IL1RAPL2: variants seen among roughly 807,000 people sequenced by gnomAD.
The protein encoded by IL1RAPL2 is X-linked interleukin-1 receptor accessory protein-like 2.
In IL1RAPL2, 3 loss-of-function variants were observed where a neutral mutation model predicts 44.1. The observed-to-expected ratio is 0.07, with a 90% CI of 0.03 to 0.18. The LOEUF (loss-of-function observed/expected upper bound fraction) is 0.18. IL1RAPL2 is among the 10% of genes least tolerant of loss of function. The probability of loss-of-function intolerance (pLI) is 1.00; values close to 1 mark genes in which losing one functional copy is unlikely to be tolerated. For missense variants in IL1RAPL2, 391 were observed against 496.4 expected, an observed-to-expected ratio of 0.79 and a Z score of 2.02; for synonymous variants, 181 against 178.8, an observed-to-expected ratio of 1.01 and a Z score of -0.10.
chrX:104,876,490 A>G (rs1276051777), intron 2 of IL1RAPL2, among the ~76,000 whole-genome samples: 1 of 111,034 alleles, frequency 9.0e-6, no homozygotes, highest in Non-Finnish European at 1.9e-5. Flanking sequence ...CTTAATGCTG[A>G]CGTAGTTACT....
At chrX:105,132,833 A>G (rs1334653087) in intron 2 of IL1RAPL2, among the ~76,000 whole-genome samples, 1 of 111,753 alleles carries the variant, frequency 8.9e-6, no homozygotes, top group Admixed American at 9.5e-5. Context: ...GAAGTGCACA[A>G]TTTGAAGTTT....
chrX:104,611,612 C>T (rs1929160452), intron 1 of IL1RAPL2, among the ~76,000 whole-genome samples: 1 of 110,063 alleles, frequency 9.1e-6, no homozygotes, highest in Admixed American at 9.7e-5. Context: ...CTGAGGCGGA[C>T]AGATCACAAG....
intron 6 of IL1RAPL2, among the ~76,000 whole-genome samples, chrX:105,663,277 AAATAT>A (rs769609621): frequency 1.6e-4 from 18 of 112,472 alleles, no homozygotes; most frequent in Admixed American, 1.2e-3. Flanking sequence ...TCATTTACAC[AAATAT>A]AATATACAAA....
At chrX:105,240,120 G>A (rs1378830820) in intron 4 of IL1RAPL2, among the ~76,000 whole-genome samples, 1 of 112,186 alleles carries the variant, frequency 8.9e-6, no homozygotes, top group Admixed American at 9.5e-5. Context: ...ATTTAATTTG[G>A]ATTATTTTAT....
At chrX:104,585,286 A>ATTATATAAT (rs1556438357) in intron 1 of IL1RAPL2, among the ~76,000 whole-genome samples, 1 of 22,210 alleles carries the variant, frequency 4.5e-5, no homozygotes, top group Non-Finnish European at 6.5e-5. Flanking sequence ...TATATTATAT[A>ATTATATAAT]ATATATTATA....
In IL1RAPL2 at chrX:105,046,125, T is replaced by A. The variant is rs754986982; in HGVS notation, c.83-149350T>A. Among the ~76,000 whole-genome samples, 4 of 111,486 alleles carry A rather than the reference T, an allele frequency of 3.6e-5. No homozygotes were observed. In the South Asian group the frequency reaches 1.5e-3, roughly 43 times the overall value. Reference sequence around the variant, plus strand: ...GAAGTGCTCAAGCTACTCATGTGGGTTGTTTAAACTGCAGTTTAAATTTAG... The same window carrying A: ...GAAGTGCTCAAGCTACTCATGTGGGATGTTTAAACTGCAGTTTAAATTTAG... On this transcript the variant is annotated intron_variant, in intron 2 of 10. Coordinates refer to ENST00000372582, the MANE Select transcript of IL1RAPL2 (RefSeq NM_017416.2).
intron 5 of IL1RAPL2, among the ~76,000 whole-genome samples, chrX:105,438,542 G>T (rs2035897573): frequency 2.7e-5 from 3 of 110,804 alleles, no homozygotes; most frequent in Non-Finnish European, 5.7e-5. Context: ...TGGACAAAAA[G>T]AACCACGGAA....
At chrX:105,519,471 G>T (rs941569637) in intron 6 of IL1RAPL2, among the ~76,000 whole-genome samples, 15 of 111,124 alleles carry the variant, frequency 1.3e-4, no homozygotes, top group African/African-American at 4.6e-4. Flanking sequence ...ACTGGGATTG[G>T]GTGGCAATCA....
chrX:105,566,438 A>G (rs2036975945), intron 6 of IL1RAPL2, among the ~76,000 whole-genome samples: 1 of 111,461 alleles, frequency 9.0e-6, no homozygotes, highest in South Asian at 3.8e-4. Context: ...CTGGAAATGT[A>G]TACACCCTCC....
intron 5 of IL1RAPL2, among the ~76,000 whole-genome samples, chrX:105,372,824 G>A (rs2035354388): frequency 8.9e-6 from 1 of 111,853 alleles, no homozygotes; most frequent in African/African-American, 3.2e-5. Context: ...CTTTTTTATG[G>A]CTGCATAGTA....
intron 4 of IL1RAPL2, among the ~76,000 whole-genome samples, chrX:105,267,012 T>C (rs1294203372): frequency 8.9e-6 from 1 of 112,051 alleles, no homozygotes; most frequent in Non-Finnish European, 1.9e-5. Flanking sequence ...TTAGGACTCT[T>C]AGGAAATATC....
intron 2 of IL1RAPL2, among the ~76,000 whole-genome samples, chrX:105,119,040 C>T (rs970122575): frequency 9.0e-6 from 1 of 111,635 alleles, no homozygotes; most frequent in African/African-American, 3.3e-5. Flanking sequence ...GCAGTTGTTA[C>T]ATTTCACAGG....
intron 5 of IL1RAPL2, among the ~76,000 whole-genome samples, chrX:105,448,290 G>C (rs910918866): frequency 9.1e-5 from 10 of 109,572 alleles, no homozygotes; most frequent in Non-Finnish European, 1.5e-4. Flanking sequence ...TCTAGGTTTT[G>C]GAGGTTCTCT....
chrX:104,825,868 A>C (rs1432948049), intron 2 of IL1RAPL2, among the ~76,000 whole-genome samples: 2 of 111,745 alleles, frequency 1.8e-5, no homozygotes, highest in African/African-American at 3.3e-5. Flanking sequence ...ATCTGTCTGC[A>C]ATCAACTGCA....
chrX:105,058,476 G>A (rs1569371499), intron 2 of IL1RAPL2, among the ~76,000 whole-genome samples: 1 of 112,119 alleles, frequency 8.9e-6, no homozygotes, highest in Non-Finnish European at 1.9e-5. Flanking sequence ...ACAAATTTTA[G>A]CCAAGAAGAA....
chrX:105,670,649 A>G (rs1421247882), intron 6 of IL1RAPL2, among the ~76,000 whole-genome samples: 3 of 109,413 alleles, frequency 2.7e-5, no homozygotes, highest in African/African-American at 1.0e-4. Flanking sequence ...GTTGATAGTA[A>G]TGCATTAAAC....
intron 2 of IL1RAPL2, among the ~76,000 whole-genome samples, chrX:104,695,432 A>G (rs939869158): frequency 2.9e-4 from 32 of 111,110 alleles, no homozygotes; most frequent in Non-Finnish European, 2.1e-4. Flanking sequence ...AGAATCTTCT[A>G]CCATAACAGG....
intron 5 of IL1RAPL2, among the ~76,000 whole-genome samples, chrX:105,380,696 C>G (rs1206910273): frequency 9.0e-6 from 1 of 111,722 alleles, no homozygotes; most frequent in Non-Finnish European, 1.9e-5. Context: ...TTGACTTTTT[C>G]TAGTGAAAGA....
intron 2 of IL1RAPL2, among the ~76,000 whole-genome samples, chrX:104,732,900 A>T (rs964583683): frequency 1.8e-5 from 2 of 111,801 alleles, no homozygotes; most frequent in African/African-American, 6.5e-5. Context: ...TAAATCCATT[A>T]ATAAGTTTTA....
Sources: allele counts gnomAD v4.1 joint callset (sites outside exome capture counted in the v4.1 genomes callset), GRCh38; gene constraint gnomAD v4.1.1; transcripts MANE v1.5; gene names NCBI Gene and HGNC (gene_info 2026-07-23, HGNC 2026-07-21).